The following KNL1 variants were observed in gnomAD, a reference collection of about 807,000 sequenced individuals.
KNL1 encodes outer kinetochore KNL1 complex subunit KNL1.
A neutral mutation model predicts 201.3 loss-of-function variants in KNL1; 66 were observed. The ratio of observed to expected loss-of-function variants is 0.33; its 90% confidence interval spans 0.27 to 0.40. The LOEUF is 0.40. Among genes scored for constraint, KNL1 ranks in the 10% least tolerant of loss-of-function variants. The pLI is 1.00. For synonymous variants in KNL1, 895 were observed against 899.2 expected (o/e 1.00, Z 0.08); for missense variants, 2,815 against 2,690.5 (o/e 1.05, Z -1.02).
intron 7 of KNL1, among the ~76,000 whole-genome samples, chr15:40,613,536 A>G (rs769615920): frequency 8.5e-5 from 13 of 152,212 alleles, no homozygotes; most frequent in Non-Finnish European, 1.9e-4. Context: ...AACTTAAAGG[A>G]AAAATAATTT....
rs768088301 is a variant in KNL1, at chr15:40,643,557, A to AT, written c.5799-1438dup. On this transcript the variant is annotated intron_variant, in intron 14 of 25. Coordinates refer to ENST00000399668, the MANE Select transcript of KNL1 (RefSeq NM_144508.5). ...CTACTCGGGAGGCTAAGGCAAGAGA[A>AT]TTGCTTGAACCCAGAAGGTGGAGAT... Among the ~76,000 whole-genome samples, 10 of 152,328 alleles carry AT rather than the reference A, an allele frequency of 6.6e-5. No individual in the cohort carries two copies. The South Asian group carries it at 1.5e-3, about 22-fold the overall frequency.
At chr15:40,601,041 A>C (rs1406432134) in intron 1 of KNL1, among the ~76,000 whole-genome samples, 1 of 152,112 alleles carries the variant, frequency 6.6e-6, no homozygotes, top group African/African-American at 2.4e-5. Flanking sequence ...GGTGTCCCCA[A>C]CCCCCTGGGC....
chr15:40,637,684 G>A (rs554950841), intron 13 of KNL1, among the ~76,000 whole-genome samples: 1 of 152,162 alleles, frequency 6.6e-6, no homozygotes, highest in Non-Finnish European at 1.5e-5. Context: ...GGCCAAGGTA[G>A]TGATACCTTT....
chr15:40,644,224 G>A (rs1441076253), intron 14 of KNL1, among the ~76,000 whole-genome samples: 3 of 152,178 alleles, frequency 2.0e-5, no homozygotes, highest in Admixed American at 1.3e-4. Context: ...TAGAATCTAC[G>A]TCATAGTTAA....
chr15:40,630,755 G>T (rs926700044), intron 13 of KNL1, among the ~76,000 whole-genome samples: 11 of 152,062 alleles, frequency 7.2e-5, no homozygotes, highest in South Asian at 6.2e-4. Context: ...TCATCTTAGG[G>T]CTCCCACAGA....
At chr15:40,656,628 G>A (rs1893742349) in intron 22 of KNL1, among the ~76,000 whole-genome samples, 2 of 152,154 alleles carry the variant, frequency 1.3e-5, no homozygotes, top group African/African-American at 4.8e-5. Context: ...GCTCATGCCT[G>A]TAATCCCAGC....
Position 40,629,736 on chromosome 15 carries a change from C to T in KNL1, c.5682+365C>T, listed in dbSNP as rs552656758. Reference sequence around the variant, plus strand: ...CAGGCTGGTCTTGAACTCCTGACCTCGTGACCCACTTGCCTCAGCCTCCCA... The same window carrying T: ...CAGGCTGGTCTTGAACTCCTGACCTTGTGACCCACTTGCCTCAGCCTCCCA... On this transcript the variant is annotated intron_variant, in intron 13 of 25. Coordinates refer to ENST00000399668, the MANE Select transcript of KNL1 (RefSeq NM_144508.5). 1.5e-3 allele frequency among the ~76,000 whole-genome samples: 225 copies of T among 151,842 alleles called. 1 individual carries two copies. Among genetic ancestry groups the T allele is most frequent in the African/African-American group, 5.3e-3 (219 of 41,436 alleles).
chr15:40,613,628 C>T lies in KNL1; in HGVS notation c.285-1713C>T, dbSNP rs1452223444. Among the ~76,000 whole-genome samples the T allele has an allele frequency of 2.1e-4, 32 of 151,904 alleles. No homozygotes were observed. The South Asian group carries it at 3.1e-3, about 15-fold the overall frequency. ...TCCCTCTTCTTTCTTTTTTGTGAGA[C>T]GGGGTTTCGCTCTTGTTGGCCAGAC... On this transcript the variant is annotated intron_variant, in intron 7 of 25. Coordinates refer to ENST00000399668, the MANE Select transcript of KNL1 (RefSeq NM_144508.5).
chr15:40,605,009 T>C (rs1891927631), intron 2 of KNL1, 101 bp from the exon 3 acceptor site: 2 of 674,244 alleles, frequency 3.0e-6, no homozygotes, highest in Non-Finnish European at 5.4e-6. Flanking sequence ...TAAGAGAAAG[T>C]GATGACCAGT....
intron 15 of KNL1, 71 bp from the exon 16 acceptor site, chr15:40,645,585 C>A (rs1406569846): frequency 4.2e-6 from 3 of 707,178 alleles, no homozygotes; most frequent in Non-Finnish European, 6.8e-6. Flanking sequence ...CAAAGCCTAG[C>A]CTTCCTAGAC....
intron 2 of KNL1, among the ~76,000 whole-genome samples, chr15:40,604,406 C>T (rs1891907716): frequency 6.6e-6 from 1 of 152,072 alleles, no homozygotes; most frequent in Non-Finnish European, 1.5e-5. Context: ...GAGACTGTGT[C>T]TTGCTTTGTT....
Position 40,657,039 on chromosome 15 carries a change from C to T in KNL1, c.6485-3C>T. ...GCTTTTGCTTTTTTTTTTCCTTCCC[C>T]AGAGGATCAAGCTCCTCCTTCCTCC... On this transcript the variant is annotated splice_region_variant and splice_polypyrimidine_tract_variant and intron_variant, in intron 22 of 25. Coordinates refer to ENST00000399668, the MANE Select transcript of KNL1 (RefSeq NM_144508.5). The T allele has an allele frequency of 6.8e-7, 1 of 1,480,426 alleles. No individual in the cohort carries two copies. Among genetic ancestry groups the T allele is most frequent in the Non-Finnish European group, 9.1e-7 (1 of 1,094,098 alleles). The allele number at this position is 1,480,426 out of a possible 1,614,324, so 91.7% of individuals were successfully genotyped here. A position where few individuals can be genotyped will look rare whatever the true frequency, so the allele number is the denominator to read the frequency against.
chr15:40,657,197 C>G, intron 23 of KNL1, 46 bp downstream of exon 23: 1 of 1,246,628 alleles, frequency 8.0e-7, no homozygotes, highest in Non-Finnish European at 1.2e-6. Flanking sequence ...TGATATCTTT[C>G]CAAAAAAAGC....
chr15:40,618,230 C>A (rs1892407125), intron 8 of KNL1, among the ~76,000 whole-genome samples: 1 of 151,822 alleles, frequency 6.6e-6, no homozygotes, highest in Admixed American at 6.6e-5. Context: ...TGCTCTGTTG[C>A]CCTAACATGA....
At chr15:40,630,392 A>T (rs1892879514) in intron 13 of KNL1, among the ~76,000 whole-genome samples, 1 of 152,226 alleles carries the variant, frequency 6.6e-6, no homozygotes, top group Non-Finnish European at 1.5e-5. Context: ...ATTAGAACTT[A>T]TAAAAGAACC....
At chr15:40,598,108 A>G (rs1044534187) in intron 1 of KNL1, among the ~76,000 whole-genome samples, 2 of 151,142 alleles carry the variant, frequency 1.3e-5, no homozygotes, top group African/African-American at 4.9e-5. Flanking sequence ...CAGGATGGGG[A>G]TGTTGTGGTG....
chr15:40,660,697 G>A (rs1002244966), intron 25 of KNL1, among the ~76,000 whole-genome samples: 2 of 147,244 alleles, frequency 1.4e-5, no homozygotes, highest in African/African-American at 2.5e-5. Flanking sequence ...TGCAGGATAC[G>A]ATGGCTCACG....
At chr15:40,652,455 CTTT>C (rs35374662) in intron 21 of KNL1, among the ~76,000 whole-genome samples, 1 of 120,064 alleles carries the variant, frequency 8.3e-6, no homozygotes. Flanking sequence ...GCTGGAGATT[CTTT>C]TTTTTTTTTT....
rs753273786 is a variant in KNL1, at chr15:40,623,169, A to G, written c.2905A>G (p.Arg969Gly). 2.5e-6 allele frequency: 4 copies of G among 1,614,060 alleles called. No individual in the cohort carries two copies. In the South Asian group the frequency reaches 4.4e-5, roughly 18 times the overall value. Reference sequence around the variant, plus strand: ...TTTCATTGACTACCAAGAAAAGGAAAGAACAGACAGACCTAACTTTGAACT... The same window carrying G: ...TTTCATTGACTACCAAGAAAAGGAAGGAACAGACAGACCTAACTTTGAACT... ...TVFIDYQEKE[R>G]TDRPNFELSQ... is the part of the protein sequence containing the mutation. Residue 969 changes from arginine (R) to glycine (G), a missense_variant, in exon 10 of 26, where the codon AGA (arginine) becomes GGA (glycine). Around this residue, in one of 3 missense-constraint regions of KNL1, gnomAD observed 2,464 missense variants for 2,291.7 expected, o/e 1.08. Transcript: ENST00000399668.
Sources: allele counts gnomAD v4.1 joint callset (sites outside exome capture counted in the v4.1 genomes callset), GRCh38; gene constraint gnomAD v4.1.1; regional missense constraint gnomAD v4.1.1; transcripts MANE v1.5; gene names NCBI Gene and HGNC (gene_info 2026-07-23, HGNC 2026-07-21).